Variants in TNKS2 observed in about 807,000 individuals in gnomAD.
The protein encoded by TNKS2 is tankyrase 2.
Under a neutral mutation model 137.6 loss-of-function variants are expected in TNKS2, and 72 were observed. That is an observed-to-expected ratio of 0.52 (90% CI 0.43 to 0.64). TNKS2 has a LOEUF of 0.64. Ranked by LOEUF, TNKS2 falls within the 30% of genes least tolerant of loss-of-function variation. The pLI, the probability that TNKS2 is intolerant of heterozygous loss-of-function variation, is 0.00. For synonymous variants in TNKS2, 516 were observed against 512.1 expected (o/e 1.01, Z -0.10); for missense variants, 1,049 against 1,410.2 (o/e 0.74, Z 4.10).
rs1053550202 is a variant in TNKS2, at chr10:91,811,929, G to A, written c.200-1054G>A. 2.0e-5 allele frequency among the ~76,000 whole-genome samples: 3 copies of A among 152,078 alleles called. No individual in the cohort carries two copies. The East Asian group carries it at 5.8e-4, about 29-fold the overall frequency. On this transcript the variant is annotated intron_variant, in intron 1 of 26. Coordinates refer to ENST00000371627, the MANE Select transcript of TNKS2 (RefSeq NM_025235.4). Reference sequence around the variant, plus strand: ...CAAAAAATTAGCCAAGCATGGTGGCGGGTGCCTGTAGTCCCAGCTACTCTG... The same window carrying A: ...CAAAAAATTAGCCAAGCATGGTGGCAGGTGCCTGTAGTCCCAGCTACTCTG...
At chr10:91,840,513 T>A in intron 13 of TNKS2, 48 bp from the exon 14 acceptor site, 1 of 1,528,824 alleles carries the variant, frequency 6.5e-7, no homozygotes. Context: ...AAACAAGAAA[T>A]AACAATATGT....
chr10:91,861,208 T>TG (rs528030200), intron 25 of TNKS2, among the ~76,000 whole-genome samples: 3 of 152,272 alleles, frequency 2.0e-5, no homozygotes, highest in Non-Finnish European at 4.4e-5. Flanking sequence ...TATCAGCCAG[T>TG]GGAAGAGTGG....
chr10:91,857,277 AT>A (rs1842734305), intron 23 of TNKS2, 147 bp from the exon 24 acceptor site: 2 of 450,084 alleles, frequency 4.4e-6, no homozygotes, highest in Admixed American at 7.7e-5. Flanking sequence ...GGGACAAAGT[AT>A]TTTTAGTTGA....
chr10:91,842,117 A>T, intron 15 of TNKS2, 55 bp from the exon 16 acceptor site: 1 of 1,284,342 alleles, frequency 7.8e-7, no homozygotes, highest in South Asian at 1.3e-5. Flanking sequence ...TTTCTCATTG[A>T]CCAAAGGCAC....
In TNKS2 at chr10:91,825,940, A is replaced by G. The variant is rs545878237; in HGVS notation, c.796-1077A>G. 4.6e-5 allele frequency among the ~76,000 whole-genome samples: 7 copies of G among 152,400 alleles called. No homozygotes were observed. In the East Asian group the frequency reaches 1.2e-3, roughly 25 times the overall value. On this transcript the variant is annotated intron_variant, in intron 7 of 26. Coordinates refer to ENST00000371627, the MANE Select transcript of TNKS2 (RefSeq NM_025235.4). ...TTGACATTTTCTAATAAAGTTAAAC[A>G]TATATCTACCATGACAGCATATGTG...
intron 11 of TNKS2, among the ~76,000 whole-genome samples, chr10:91,832,656 G>A (rs941976615): frequency 1.1e-4 from 16 of 152,126 alleles, no homozygotes; most frequent in South Asian, 2.1e-4. Context: ...CATATTATCC[G>A]ATTCCATGAA....
At chr10:91,806,042 C>CTTTTTTTTTT (rs34004456) in intron 1 of TNKS2, among the ~76,000 whole-genome samples, 6 of 130,074 alleles carry the variant, frequency 4.6e-5, no homozygotes, top group South Asian at 2.4e-4. Context: ...CATTCTTTCT[C>CTTTTTTTTTT]TTTTTTTTTT....
Position 91,830,913 on chromosome 10 carries a change from A to ATT in TNKS2, c.1105-10_1105-9insTT. 6.3e-7 allele frequency: 1 copy of ATT among 1,594,272 alleles called. No homozygotes were observed. The highest frequency in any genetic ancestry group is 8.6e-7 in the Non-Finnish European group (1 of 1,168,830). ...AGTCCTTGATTAATGCTGCAATTTAAATTATTTAGCATTGTGCTGCTGCAT... is the reference window on the plus strand; with the variant it reads ...AGTCCTTGATTAATGCTGCAATTTAATTATTATTTAGCATTGTGCTGCTGCAT... On this transcript the variant is annotated splice_polypyrimidine_tract_variant and intron_variant, in intron 9 of 26. Transcript: ENST00000371627.
chr10:91,847,585 C>T (rs1842417190), intron 18 of TNKS2, among the ~76,000 whole-genome samples: 2 of 152,210 alleles, frequency 1.3e-5, no homozygotes, highest in Admixed American at 6.5e-5. Flanking sequence ...CCAGGCTGAC[C>T]TCAAGTGATC....
intron 1 of TNKS2, among the ~76,000 whole-genome samples, chr10:91,810,106 A>C (rs1844448989): frequency 6.6e-6 from 1 of 152,046 alleles, no homozygotes; most frequent in Non-Finnish European, 1.5e-5. Context: ...GACTGGGCCC[A>C]GTGCGGTGGC....
At chr10:91,818,108 T>A (rs1371610562) in intron 3 of TNKS2, among the ~76,000 whole-genome samples, 1 of 152,266 alleles carries the variant, frequency 6.6e-6, no homozygotes, top group Non-Finnish European at 1.5e-5. Context: ...CAATCAGTGT[T>A]CATTTTCTCC....
intron 15 of TNKS2, among the ~76,000 whole-genome samples, chr10:91,841,962 A>AT (rs1239688034): frequency 1.3e-5 from 1 of 74,338 alleles, no homozygotes; most frequent in African/African-American, 8.1e-5. Context: ...ACATTAATGC[A>AT]TTAAAAAATC....
chr10:91,801,654 A>G (rs1433861627), intron 1 of TNKS2, among the ~76,000 whole-genome samples: 1 of 143,612 alleles, frequency 7.0e-6, no homozygotes, highest in African/African-American at 2.5e-5. Flanking sequence ...TTGTATTTTT[A>G]GTAGAGACAG....
chr10:91,815,948 C>CTTTTTT (rs10691725), intron 2 of TNKS2, among the ~76,000 whole-genome samples: 3 of 125,140 alleles, frequency 2.4e-5, no homozygotes, highest in African/African-American at 3.1e-5. Flanking sequence ...AAGACTTTCT[C>CTTTTTT]TTTTTTTTTT....
In TNKS2 at chr10:91,855,132, T is replaced by A; in HGVS notation, c.2913+6T>A. The A allele has an allele frequency of 6.6e-7, 1 of 1,510,566 alleles. No homozygotes were observed. The highest frequency in any genetic ancestry group is 1.7e-5 in the Admixed American group (1 of 59,550). 93.6% of individuals were successfully genotyped at this position (1,510,566 alleles called of 1,614,324 possible). ...TTCAGTCTGTGGAGGAAGAGGTATG[T>A]TCATATAACTTCAATAGTAGGTTTG... On this transcript the variant is annotated splice_donor_region_variant and intron_variant, in intron 22 of 26. Coordinates refer to ENST00000371627, the MANE Select transcript of TNKS2 (RefSeq NM_025235.4).
In TNKS2 at chr10:91,828,304, G is replaced by C. The variant is rs745957441; in HGVS notation, c.1002G>C (p.Ser334=). The change falls in exon 9 of 27, where the codon TCG becomes TCC. Residue 334 remains serine, a synonymous_variant. Coordinates refer to ENST00000371627, the MANE Select transcript of TNKS2 (RefSeq NM_025235.4). ...ATCTAGATGAATTTAAAGGCCACTC[G>C]TTGCTGCAAGCTGCACGAGAAGCTG... ...ERLAYEFKGH[S]LLQAAREADV... The C allele has an allele frequency of 5.0e-6, 8 of 1,586,158 alleles. No homozygotes were observed. In the South Asian group the frequency reaches 7.0e-5, roughly 14 times the overall value.
intron 18 of TNKS2, among the ~76,000 whole-genome samples, 173 bp from the exon 19 acceptor site, chr10:91,848,210 A>G (rs1842437299): frequency 6.6e-6 from 1 of 152,208 alleles, no homozygotes; most frequent in Non-Finnish European, 1.5e-5. Context: ...CAGATTTGGG[A>G]TGTTTGACCT....
intron 1 of TNKS2, among the ~76,000 whole-genome samples, chr10:91,803,040 T>C (rs962538882): frequency 6.6e-6 from 1 of 152,202 alleles, no homozygotes; most frequent in African/African-American, 2.4e-5. Flanking sequence ...GTACCCCCAT[T>C]CAGATGGTCA....
At position 91,812,894 on chromosome 10, in the gene TNKS2, A is replaced by G. The variant is rs145534498; in HGVS notation, c.200-89A>G. 6.9e-3 allele frequency: 10,504 copies of G among 1,511,462 alleles called. 87 individuals carry two copies. The highest frequency in any genetic ancestry group is 0.024 in the South Asian group (1,843 of 75,700). The allele number at this position is 1,511,462 out of a possible 1,614,324, so 93.6% of individuals were successfully genotyped here. On this transcript the variant is annotated intron_variant, in intron 1 of 26. Transcript: ENST00000371627. ...TTGTTGAGTCTGTTATTAATTTTCA[A>G]CCTGAAACATTTTAGTATGGATGGT...
Sources: allele counts gnomAD v4.1 joint callset (sites outside exome capture counted in the v4.1 genomes callset), GRCh38; gene constraint gnomAD v4.1.1; transcripts MANE v1.5; gene names NCBI Gene and HGNC (gene_info 2026-07-23, HGNC 2026-07-21).